The following CCDC171 variants were observed in gnomAD, a reference collection of about 807,000 sequenced individuals.
CCDC171 encodes the protein coiled-coil domain-containing protein 171.
CCDC171 carries 177 observed loss-of-function variants against 168.2 expected under a neutral mutation model. The ratio of observed to expected loss-of-function variants is 1.05; its 90% CI spans 0.93 to 1.19. The LOEUF (loss-of-function observed/expected upper bound fraction) is 1.19, where lower values mean the gene tolerates loss of function less well. CCDC171 is among the 50% of genes most tolerant of loss of function. The pLI, the probability that CCDC171 is intolerant of heterozygous loss-of-function variation, is 0.00. For missense variants in CCDC171, 1,991 were observed against 1,539.0 expected (o/e 1.29, Z -4.91); for synonymous variants, 687 against 540.8 (o/e 1.27, Z -3.75).
At chr9:16,029,453 TGACAAAA>T (rs1226976032) in intron 6 of CCDC171, among the ~76,000 whole-genome samples, 1 of 152,212 alleles carries the variant, frequency 6.6e-6, no homozygotes, top group Non-Finnish European at 1.5e-5. Context: ...AGGGCTGTGC[TGACAAAA>T]GCTGTGTGGC....
intron 25 of CCDC171, among the ~76,000 whole-genome samples, chr9:15,937,543 C>A (rs567564819): frequency 3.9e-5 from 6 of 151,910 alleles, no homozygotes; most frequent in Admixed American, 3.9e-4. Context: ...TGTCTAAAAT[C>A]CCCCTTATAT....
Position 15,972,442 on chromosome 9 carries a change from A to T in CCDC171, c.*606A>T, listed in dbSNP as rs1831445901. The T allele has an allele frequency of 6.6e-6, 1 of 152,452 alleles. No individual in the cohort carries two copies. The highest frequency in any genetic ancestry group is 2.1e-4 in the South Asian group (1 of 4,848). 9.4% of individuals were successfully genotyped at this position (152,452 alleles called of 1,614,324 possible). A position where few individuals can be genotyped will look rare whatever the true frequency, so the allele number is the denominator to read the frequency against. ...AGGTTGCTCCTTGTAAAGCTACATG[A>T]TACCACTTGCCCATTTGAACAAGTT... On this transcript the variant is annotated 3_prime_UTR_variant, in exon 26 of 26. Coordinates refer to ENST00000380701, the MANE Select transcript of CCDC171 (RefSeq NM_173550.4).
intron 24 of CCDC171, among the ~76,000 whole-genome samples, chr9:15,877,508 C>G (rs1818011067): frequency 6.6e-6 from 1 of 152,086 alleles, no homozygotes; most frequent in Non-Finnish European, 1.5e-5. Context: ...TTTGATCAAG[C>G]ACAGCCTACC....
At chr9:15,878,694 CACTAGT>C (rs1203853512) in intron 24 of CCDC171, among the ~76,000 whole-genome samples, 1 of 151,934 alleles carries the variant, frequency 6.6e-6, no homozygotes, top group Non-Finnish European at 1.5e-5. Flanking sequence ...TTCACTGTAG[CACTAGT>C]CACAATAGCA....
intron 25 of CCDC171, among the ~76,000 whole-genome samples, chr9:15,945,332 A>G (rs1446534040): frequency 7.5e-5 from 11 of 146,112 alleles, no homozygotes; most frequent in South Asian, 7.0e-4. Flanking sequence ...TAATGCCGCA[A>G]TAAACATAGG....
chr9:15,569,963 C>G (rs2040087244), intron 2 of CCDC171, among the ~76,000 whole-genome samples: 1 of 149,866 alleles, frequency 6.7e-6, no homozygotes, highest in Non-Finnish European at 1.5e-5. Flanking sequence ...TTTTTGATTA[C>G]TTTTCTTTTT....
chr9:16,089,554 AT>A, the CCDC171 span, among the ~76,000 whole-genome samples: 3 of 151,604 alleles, frequency 2.0e-5, no homozygotes, highest in African/African-American at 7.3e-5. Context: ...TAATTTTTTT[AT>A]AAGGTGTAAA....
chr9:15,583,244 G>A (rs751841791), intron 4 of CCDC171, among the ~76,000 whole-genome samples: 17 of 151,824 alleles, frequency 1.1e-4, no homozygotes, highest in South Asian at 2.1e-4. Flanking sequence ...GTGGAACCCC[G>A]TCTCTACTAA....
rs75771483 is a variant in CCDC171, at chr9:16,017,802, T to C, written n.369-2787T>C. Reference sequence around the variant, plus strand: ...ACCTAGCTTACAAATATTTATTTCATAACATGCGTTGCACAAGAAAGAGGC... The same window carrying C: ...ACCTAGCTTACAAATATTTATTTCACAACATGCGTTGCACAAGAAAGAGGC... On this transcript the variant is annotated intron_variant and non_coding_transcript_variant, in intron 3 of 9. Coordinates refer to the CCDC171 transcript ENST00000486641. Among the ~76,000 whole-genome samples, 14 of 152,342 alleles carry C rather than the reference T, an allele frequency of 9.2e-5. No individual in the cohort carries two copies. The East Asian group carries it at 2.7e-3, about 29-fold the overall frequency.
chr9:15,732,152 G>A (rs1009781434), intron 16 of CCDC171, among the ~76,000 whole-genome samples: 4 of 151,900 alleles, frequency 2.6e-5, no homozygotes, highest in Admixed American at 2.6e-4. Flanking sequence ...TGCCTTTTCA[G>A]TGTTTCTTTT....
intron 21 of CCDC171, among the ~76,000 whole-genome samples, chr9:15,801,199 C>T (rs938805897): frequency 5.3e-5 from 8 of 151,496 alleles, no homozygotes; most frequent in South Asian, 2.1e-4. Flanking sequence ...AGATTCCTTT[C>T]GGTAGTATGG....
upstream of CCDC171, among the ~76,000 whole-genome samples, chr9:16,042,112 G>C (rs1022937866): frequency 6.6e-6 from 1 of 152,210 alleles, no homozygotes; most frequent in Non-Finnish European, 1.5e-5. Context: ...CAGTCAGCTA[G>C]TTCGTCGTGG....
At chr9:15,976,011 C>T (rs892856374), downstream of CCDC171, among the ~76,000 whole-genome samples, 6 of 151,938 alleles carry the variant, frequency 3.9e-5, no homozygotes, top group Non-Finnish European at 7.4e-5. Flanking sequence ...TGATGGAAGC[C>T]GAAGTTGAAG....
chr9:15,646,276 C>T lies in CCDC171; in HGVS notation c.823-10851C>T, dbSNP rs117363227. Among the ~76,000 whole-genome samples, 36 of 152,236 alleles carry T rather than the reference C, an allele frequency of 2.4e-4. No individual in the cohort carries two copies. In the East Asian group the frequency reaches 2.7e-3, roughly 11 times the overall value. Reference sequence around the variant, plus strand: ...TAAACATGGAAAGGAAAAACTGATACGAGCCCCTGCAAAAATATGCCAAAT... The same window carrying T: ...TAAACATGGAAAGGAAAAACTGATATGAGCCCCTGCAAAAATATGCCAAAT... On this transcript the variant is annotated intron_variant, in intron 7 of 25. Coordinates refer to ENST00000380701, the MANE Select transcript of CCDC171 (RefSeq NM_173550.4).
At position 15,597,945 on chromosome 9, in the gene CCDC171, A is replaced by C. The variant is rs951073803; in HGVS notation, c.675+3773A>C. On this transcript the variant is annotated intron_variant, in intron 6 of 25. Transcript: ENST00000380701. Reference sequence around the variant, plus strand: ...AGTTTATTTGCATAGAGGTGTTTATAGTATTCTCTGATGGTAGTCTGTATT... The same window carrying C: ...AGTTTATTTGCATAGAGGTGTTTATCGTATTCTCTGATGGTAGTCTGTATT... Among the ~76,000 whole-genome samples the C allele has an allele frequency of 2.0e-5, 3 of 152,252 alleles. No individual in the cohort carries two copies. The East Asian group carries it at 5.8e-4, about 29-fold the overall frequency.
chr9:15,583,915 T>A (rs558899441), intron 4 of CCDC171, among the ~76,000 whole-genome samples: 18 of 152,340 alleles, frequency 1.2e-4, no homozygotes, highest in African/African-American at 4.3e-4. Flanking sequence ...TCGCCCAGGC[T>A]GGAGTGCAGT....
intron 7 of CCDC171, among the ~76,000 whole-genome samples, chr9:15,638,732 A>G (rs1289972231): frequency 1.3e-5 from 2 of 151,892 alleles, no homozygotes; most frequent in African/African-American, 4.8e-5. Flanking sequence ...TGTCTTAATC[A>G]TCTTAACATG....
At chr9:15,955,082 C>T (rs1169992146) in intron 25 of CCDC171, among the ~76,000 whole-genome samples, 4 of 151,938 alleles carry the variant, frequency 2.6e-5, no homozygotes, top group Admixed American at 2.6e-4. Context: ...TTCTCCCTTC[C>T]CTAGGGTTTT....
chr9:15,578,633 A>AT lies in CCDC171; in HGVS notation c.178-206dup, dbSNP rs35672487. On this transcript the variant is annotated intron_variant, in intron 3 of 25. Transcript: ENST00000380701. ...TAATTTTATAAAAAGTTCTTATAAGATTTTTTTTTTCCTCTAGTGGATTCT... is the reference window on the plus strand; with the variant it reads ...TAATTTTATAAAAAGTTCTTATAAGATTTTTTTTTTTCCTCTAGTGGATTCT... Among the ~76,000 whole-genome samples the AT allele has an allele frequency of 7.5e-4, 112 of 149,396 alleles. 1 individual carries two copies. Among genetic ancestry groups the AT allele is most frequent in the African/African-American group, 2.4e-3 (98 of 40,802 alleles).
Sources: gnomAD v4.1 joint callset for allele counts (sites outside exome capture counted in the v4.1 genomes callset) on GRCh38, gnomAD v4.1.1 for gene constraint, MANE v1.5 for transcripts, NCBI Gene and HGNC (gene_info 2026-07-23, HGNC 2026-07-21) for gene names.